NEGR1: variants seen among roughly 807,000 people sequenced by gnomAD.
The protein encoded by NEGR1 is IgLON family member 4.
Under a neutral mutation model 40.9 loss-of-function variants are expected in NEGR1, and 10 were observed. That is an observed-to-expected ratio of 0.24 (90% CI 0.15 to 0.42). The LOEUF (loss-of-function observed/expected upper bound fraction) is 0.42. Ranked by LOEUF, NEGR1 falls within the 10% of genes least tolerant of loss-of-function variation. The probability of loss-of-function intolerance (pLI) is 1.00; values close to 1 mark genes in which losing one functional copy is unlikely to be tolerated. For synonymous variants in NEGR1, 185 were observed against 166.8 expected (o/e 1.11, Z -0.84); for missense variants, 352 against 438.9 (o/e 0.80, Z 1.77).
intron 1 of NEGR1, among the ~76,000 whole-genome samples, chr1:72,247,826 C>T (rs1239357456): frequency 6.6e-6 from 1 of 152,062 alleles, no homozygotes; most frequent in Non-Finnish European, 1.5e-5. Context: ...AAAGAAATAC[C>T]TGAGACTGAG....
At chr1:71,857,185 T>G (rs1366866316) in intron 2 of NEGR1, among the ~76,000 whole-genome samples, 1 of 152,112 alleles carries the variant, frequency 6.6e-6, no homozygotes, top group East Asian at 1.9e-4. Context: ...AATATAGACT[T>G]CATTGCTGTA....
intron 4 of NEGR1, among the ~76,000 whole-genome samples, chr1:71,656,345 T>C (rs1404774444): frequency 6.6e-6 from 1 of 152,244 alleles, no homozygotes; most frequent in African/African-American, 2.4e-5. Flanking sequence ...GGTTTATCTA[T>C]ATAAAATGAG....
rs1012182702 is a variant in NEGR1 at position 72,161,048 on chromosome 1, T to G, written c.176+121271A>C. ...CTTTAATTACATATTTACTGAGTTGTATGTTATCACTTTGAGCAGTTGTTT... is the reference window on the plus strand; with the variant it reads ...CTTTAATTACATATTTACTGAGTTGGATGTTATCACTTTGAGCAGTTGTTT... On this transcript the variant is annotated intron_variant, in intron 1 of 6. Coordinates refer to ENST00000357731, the MANE Select transcript of NEGR1 (RefSeq NM_173808.3). 1.1e-4 allele frequency among the ~76,000 whole-genome samples: 16 copies of G among 152,306 alleles called. No homozygotes were observed. The South Asian group carries it at 3.3e-3, about 32-fold the overall frequency.
chr1:71,469,047 T>C (rs1033729948), intron 6 of NEGR1, among the ~76,000 whole-genome samples: 1 of 152,050 alleles, frequency 6.6e-6, no homozygotes, highest in African/African-American at 2.4e-5. Flanking sequence ...GGTTGTACAA[T>C]ATGTTCAAAG....
chr1:71,769,586 G>A (rs377737190), intron 3 of NEGR1, among the ~76,000 whole-genome samples: 9 of 152,092 alleles, frequency 5.9e-5, no homozygotes, highest in Non-Finnish European at 1.2e-4. Flanking sequence ...TTACTAGGGG[G>A]TTTTCCCCCA....
At chr1:72,241,295 T>C (rs992720132) in intron 1 of NEGR1, among the ~76,000 whole-genome samples, 2 of 151,746 alleles carry the variant, frequency 1.3e-5, no homozygotes, top group Non-Finnish European at 2.9e-5. Flanking sequence ...ATTAAGTGAA[T>C]TCATTAAATT....
intron 4 of NEGR1, among the ~76,000 whole-genome samples, chr1:71,661,405 A>T (rs183432776): frequency 9.8e-5 from 15 of 152,290 alleles, no homozygotes; most frequent in Admixed American, 7.8e-4. Context: ...GCTTTAATTT[A>T]ACTGTATAAT....
chr1:72,121,789 T>C (rs2100292239), intron 1 of NEGR1, among the ~76,000 whole-genome samples: 1 of 152,182 alleles, frequency 6.6e-6, no homozygotes, highest in East Asian at 1.9e-4. Context: ...TACATAAAAG[T>C]GCAAACATTT....
At chr1:72,257,325 A>AAC in intron 1 of NEGR1, among the ~76,000 whole-genome samples, 1 of 149,382 alleles carries the variant, frequency 6.7e-6, no homozygotes, top group Non-Finnish European at 1.5e-5. Flanking sequence ...CTGTCTCAAA[A>AAC]AAAAAAAAAA....
chr1:71,746,772 GCACACACACA>G (rs57628799), intron 3 of NEGR1, among the ~76,000 whole-genome samples: 1 of 143,168 alleles, frequency 7.0e-6, no homozygotes, highest in Non-Finnish European at 1.6e-5. Flanking sequence ...ACACACACAC[GCACACACACA>G]CACACACACA....
chr1:71,861,044 A>G (rs964983272), intron 2 of NEGR1, among the ~76,000 whole-genome samples: 1 of 152,090 alleles, frequency 6.6e-6, no homozygotes, highest in Non-Finnish European at 1.5e-5. Context: ...GCTTATTTTC[A>G]TCTCACCATA....
At chr1:72,149,895 A>AG (rs1311203309) in intron 1 of NEGR1, among the ~76,000 whole-genome samples, 25 of 150,648 alleles carry the variant, frequency 1.7e-4, no homozygotes, top group African/African-American at 5.8e-4. Flanking sequence ...AAAAAAAAAA[A>AG]AAAAAAGAAA....
chr1:71,735,815 AAGGTG>A (rs1655025265), intron 3 of NEGR1, among the ~76,000 whole-genome samples: 1 of 152,118 alleles, frequency 6.6e-6, no homozygotes, highest in Admixed American at 6.6e-5. Context: ...GCCACAACTG[AAGGTG>A]AGGCATCTGA....
chr1:72,043,912 A>G (rs1355812871), intron 1 of NEGR1, among the ~76,000 whole-genome samples: 2 of 151,894 alleles, frequency 1.3e-5, no homozygotes, highest in Admixed American at 1.3e-4. Flanking sequence ...CAACAGAAAA[A>G]CATGTCAGAA....
chr1:72,275,378 G>A (rs1390014624), intron 1 of NEGR1, among the ~76,000 whole-genome samples: 1 of 151,784 alleles, frequency 6.6e-6, no homozygotes, highest in Non-Finnish European at 1.5e-5. Flanking sequence ...GTTTCTACTG[G>A]TTAATCTGAA....
intron 1 of NEGR1, among the ~76,000 whole-genome samples, chr1:71,955,600 C>T (rs1365924525): frequency 6.6e-6 from 1 of 152,108 alleles, no homozygotes; most frequent in African/African-American, 2.4e-5. Context: ...TTGTGATTTA[C>T]CATATAGATC....
chr1:71,860,587 C>T lies in NEGR1; in HGVS notation c.409+74492G>A, dbSNP rs571362911. ...TTAGAAGTCAGATTATCACAAAATA[C>T]AATGATAGATAGTAAGACTTACCTT... On this transcript the variant is annotated intron_variant, in intron 2 of 6. Transcript: ENST00000357731. Among the ~76,000 whole-genome samples, 30 of 151,784 alleles carry T rather than the reference C, an allele frequency of 2.0e-4. No individual in the cohort carries two copies. In the South Asian group the frequency reaches 6.2e-3, roughly 32 times the overall value.
chr1:72,013,294 T>C (rs992239023), intron 1 of NEGR1, among the ~76,000 whole-genome samples: 3 of 152,050 alleles, frequency 2.0e-5, no homozygotes, highest in East Asian at 3.9e-4. Context: ...GATAATGACA[T>C]TTCAGGGAGG....
At chr1:71,921,154 A>C (rs1645713874) in intron 2 of NEGR1, among the ~76,000 whole-genome samples, 1 of 152,190 alleles carries the variant, frequency 6.6e-6, no homozygotes, top group Non-Finnish European at 1.5e-5. Flanking sequence ...TTTTGTTTTT[A>C]AATTTGCTTT....
Sources: gnomAD v4.1 joint callset for allele counts (sites outside exome capture counted in the v4.1 genomes callset) on GRCh38, gnomAD v4.1.1 for gene constraint, MANE v1.5 for transcripts, NCBI Gene and HGNC (gene_info 2026-07-23, HGNC 2026-07-21) for gene names.